The following DESI2 variants were observed in gnomAD, a reference collection of about 807,000 sequenced individuals.
DESI2 encodes desumoylating isopeptidase 2.
DESI2 carries 10 observed loss-of-function variants against 24.1 expected under a neutral mutation model. The observed-to-expected ratio is 0.41, with a 90% CI of 0.26 to 0.70. The LOEUF is 0.70. Among genes scored for constraint, DESI2 ranks in the 30% least tolerant of loss-of-function variants. The probability of loss-of-function intolerance (pLI) is 0.29; values close to 1 mark genes in which losing one functional copy is unlikely to be tolerated. For missense variants in DESI2, 122 were observed against 234.9 expected, an observed-to-expected ratio of 0.52 and a Z score of 3.14; for synonymous variants, 71 against 87.7, an observed-to-expected ratio of 0.81 and a Z score of 1.06.
At chr1:244,680,948 CTTTT>C (rs34557918) in intron 1 of DESI2, among the ~76,000 whole-genome samples, 1 of 141,154 alleles carries the variant, frequency 7.1e-6, no homozygotes. Flanking sequence ...CCTCCTTTTA[CTTTT>C]TTTTTTTTTT....
At chr1:244,700,507 C>G (rs1343199322) in intron 4 of DESI2, among the ~76,000 whole-genome samples, 2 of 152,204 alleles carry the variant, frequency 1.3e-5, no homozygotes, top group East Asian at 1.9e-4. Context: ...CCAGGCTCAT[C>G]TACATATTTT....
chr1:244,678,201 G>C (rs1676481108), intron 1 of DESI2, among the ~76,000 whole-genome samples: 1 of 152,158 alleles, frequency 6.6e-6, no homozygotes, highest in Non-Finnish European at 1.5e-5. Flanking sequence ...TCATTATAGT[G>C]AATTCCAAAC....
intron 4 of DESI2, 70 bp from the exon 5 acceptor site, chr1:244,705,486 C>T: frequency 1.5e-6 from 2 of 1,353,048 alleles, no homozygotes; most frequent in Non-Finnish European, 2.1e-6. Flanking sequence ...CTCCCACCCT[C>T]CACTCCCTGG....
chr1:244,694,570 T>C (rs554252990), intron 4 of DESI2: 2 of 795,282 alleles, frequency 2.5e-6, no homozygotes, highest in East Asian at 2.4e-5. Context: ...CTTTTAGCCT[T>C]GGCACTGCCG....
intron 1 of DESI2, among the ~76,000 whole-genome samples, chr1:244,661,542 A>C (rs1313712248): frequency 6.6e-6 from 1 of 152,006 alleles, no homozygotes; most frequent in Non-Finnish European, 1.5e-5. Flanking sequence ...TATATCTCCT[A>C]ATGCTATCCC....
intron 1 of DESI2, among the ~76,000 whole-genome samples, chr1:244,661,915 G>T (rs1675859908): frequency 6.6e-6 from 1 of 152,188 alleles, no homozygotes; most frequent in Admixed American, 6.5e-5. Flanking sequence ...AATCCTTTGG[G>T]TACATACCCA....
intron 4 of DESI2, among the ~76,000 whole-genome samples, chr1:244,697,490 AAAAG>A (rs1677266263): frequency 6.6e-6 from 1 of 152,040 alleles, no homozygotes; most frequent in Non-Finnish European, 1.5e-5. Context: ...AAAAAAAAAA[AAAAG>A]GACTGAGAAA....
At chr1:244,680,783 T>C (rs149280408) in intron 1 of DESI2, among the ~76,000 whole-genome samples, 2 of 152,250 alleles carry the variant, frequency 1.3e-5, no homozygotes, top group South Asian at 2.1e-4. Context: ...CTTTGAGACA[T>C]TGTGTATATC....
At chr1:244,690,922 T>C (rs1400198317) in intron 3 of DESI2, among the ~76,000 whole-genome samples, 2 of 152,238 alleles carry the variant, frequency 1.3e-5, no homozygotes, top group Non-Finnish European at 2.9e-5. Flanking sequence ...GTAAGTGCTA[T>C]GATACCATCC....
intron 4 of DESI2, among the ~76,000 whole-genome samples, chr1:244,705,249 AGT>A (rs1677648686): frequency 6.6e-6 from 1 of 152,220 alleles, no homozygotes; most frequent in Admixed American, 6.5e-5. Flanking sequence ...AGTACTTTTC[AGT>A]GTGTCTCACA....
At chr1:244,667,915 T>C (rs1332834804) in intron 1 of DESI2, among the ~76,000 whole-genome samples, 2 of 152,260 alleles carry the variant, frequency 1.3e-5, no homozygotes, top group East Asian at 3.8e-4. Context: ...TGTGTGATCT[T>C]GGTTAAATTA....
At chr1:244,697,302 G>A (rs1247274745) in intron 4 of DESI2, among the ~76,000 whole-genome samples, 1 of 151,942 alleles carries the variant, frequency 6.6e-6, no homozygotes, top group Middle Eastern at 3.2e-3. Flanking sequence ...GAGGTCAGGA[G>A]TTTGAGACCA....
At chr1:244,666,848 G>A (rs968588081) in intron 1 of DESI2, among the ~76,000 whole-genome samples, 3 of 152,110 alleles carry the variant, frequency 2.0e-5, no homozygotes, top group African/African-American at 4.8e-5. Flanking sequence ...AATCATGGCG[G>A]GTGGCAAAAG....
chr1:244,677,010 A>G (rs987603643), intron 1 of DESI2, among the ~76,000 whole-genome samples: 2 of 149,550 alleles, frequency 1.3e-5, no homozygotes, highest in Admixed American at 6.7e-5. Context: ...GTCTGTTTTC[A>G]TAATAGATAT....
intron 1 of DESI2, among the ~76,000 whole-genome samples, chr1:244,682,474 T>C (rs995684007): frequency 4.6e-5 from 7 of 152,212 alleles, no homozygotes; most frequent in African/African-American, 4.8e-5. Context: ...AAACTATATA[T>C]GAAAAGATAT....
At position 244,689,089 on chromosome 1, in the gene DESI2, T is replaced by G. The variant is rs1676928821; in HGVS notation, c.116-160T>G. Among the ~76,000 whole-genome samples, 1 of 152,238 alleles carries G rather than the reference T, an allele frequency of 6.6e-6. No individual in the cohort carries two copies. The highest frequency in any genetic ancestry group is 2.4e-5 in the African/African-American group (1 of 41,454). ...GTTTCGGGTCTTTTGTGACAACTGTTTATACGAGTAATAGCTAAGTGAGAT... is the reference window on the plus strand; with the variant it reads ...GTTTCGGGTCTTTTGTGACAACTGTGTATACGAGTAATAGCTAAGTGAGAT... On this transcript the variant is annotated intron_variant, in intron 2 of 4. Coordinates refer to ENST00000302550, the MANE Select transcript of DESI2 (RefSeq NM_016076.5). The surrounding 1 kb of genome is among the most constrained non-coding windows in gnomAD (Gnocchi z 4.0).
chr1:244,675,631 G>C (rs1415286410), intron 1 of DESI2, among the ~76,000 whole-genome samples: 2 of 152,236 alleles, frequency 1.3e-5, no homozygotes, highest in East Asian at 3.9e-4. Flanking sequence ...CTGTTTCATT[G>C]ATCTGTATGT....
At chr1:244,697,313 G>A (rs979547995) in intron 4 of DESI2, among the ~76,000 whole-genome samples, 1 of 151,934 alleles carries the variant, frequency 6.6e-6, no homozygotes, top group African/African-American at 2.4e-5. Flanking sequence ...TTTGAGACCA[G>A]CCTGGCCAAC....
rs949154794 is a variant in DESI2, at chr1:244,689,198, G to A, written c.116-51G>A. ...ATTATTAAAGCTAATTCAGCATTCT[G>A]GTTAAATTTTATGTGATACATACTA... On this transcript the variant is annotated intron_variant, in intron 2 of 4. Coordinates refer to ENST00000302550, the MANE Select transcript of DESI2 (RefSeq NM_016076.5). The surrounding 1 kb of genome is among the most constrained non-coding windows in gnomAD (Gnocchi z 4.0). 1.1e-6 allele frequency: 1 copy of A among 885,618 alleles called. No homozygotes were observed. Among genetic ancestry groups the A allele is most frequent in the Non-Finnish European group, 1.9e-6 (1 of 530,932 alleles). The allele number at this position is 885,618 out of a possible 1,614,324, so 54.9% of individuals were successfully genotyped here.
Sources: gnomAD v4.1 joint callset for allele counts (sites outside exome capture counted in the v4.1 genomes callset) on GRCh38, gnomAD v4.1.1 for gene constraint, Gnocchi (gnomAD v3.1) non-coding constraint, MANE v1.5 for transcripts, NCBI Gene and HGNC (gene_info 2026-07-23, HGNC 2026-07-21) for gene names.